Variants in EPHX2 observed in about 807,000 individuals in gnomAD.
EPHX2 encodes epoxide hydrolase 2.
EPHX2 carries 74 observed loss-of-function variants against 78.7 expected under a neutral mutation model. The ratio of observed to expected loss-of-function variants is 0.94; its 90% CI spans 0.78 to 1.14. EPHX2 has a LOEUF of 1.14. Among genes scored for constraint, EPHX2 ranks in the 50% most tolerant of loss-of-function variants. EPHX2 has a pLI of 0.00. For missense variants in EPHX2, 715 were observed against 702.5 expected, an observed-to-expected ratio of 1.02 and a Z score of -0.20; for synonymous variants, 251 against 255.2, an observed-to-expected ratio of 0.98 and a Z score of 0.16.
chr8:27,504,803 C>T (rs924459158), intron 3 of EPHX2, 153 bp from the exon 4 acceptor site: 6 of 764,218 alleles, frequency 7.9e-6, no homozygotes, highest in Non-Finnish European at 1.3e-5. Flanking sequence ...CAAGATGATT[C>T]TTTTCCAATT....
At chr8:27,517,344 G>A (rs547758783) in intron 8 of EPHX2, among the ~76,000 whole-genome samples, 1 of 152,234 alleles carries the variant, frequency 6.6e-6, no homozygotes, top group African/African-American at 2.4e-5. Flanking sequence ...TGCAATCCCT[G>A]TCAAAATCTC....
At chr8:27,514,902 C>G (rs1046307443) in intron 6 of EPHX2, among the ~76,000 whole-genome samples, 1 of 152,120 alleles carries the variant, frequency 6.6e-6, no homozygotes, top group South Asian at 2.1e-4. Context: ...TCTGCCACAC[C>G]CGTAGCCCCC....
rs756108612 is a variant in EPHX2, at chr8:27,491,176, C to G, written c.-33C>G. 2 of 1,547,988 alleles carry G rather than the reference C, an allele frequency of 1.3e-6. No individual in the cohort carries two copies. Among genetic ancestry groups the G allele is most frequent in the African/African-American group, 2.8e-5 (2 of 72,560 alleles). On this transcript the variant is annotated 5_prime_UTR_variant, in exon 1 of 19. Transcript: ENST00000521400. ...CTTCGCGCATCTCCCAGGTTAGCTGCGTGTCCGGGTGCTAGGCTGCAGACC... is the reference window on the plus strand; with the variant it reads ...CTTCGCGCATCTCCCAGGTTAGCTGGGTGTCCGGGTGCTAGGCTGCAGACC...
Position 27,544,554 on chromosome 8 carries a change from G to A in EPHX2, c.*32G>A. The A allele has an allele frequency of 6.2e-7, 1 of 1,609,566 alleles. No homozygotes were observed. The highest frequency in any genetic ancestry group is 8.5e-7 in the Non-Finnish European group (1 of 1,176,942). On this transcript the variant is annotated 3_prime_UTR_variant, in exon 19 of 19. Transcript: ENST00000521400. ...GCGTGTGCCCACGCTCAGCAGGTGTGCCATCCTTCCACCTGCTGGGGCACC... is the reference window on the plus strand; with the variant it reads ...GCGTGTGCCCACGCTCAGCAGGTGTACCATCCTTCCACCTGCTGGGGCACC...
chr8:27,508,637 A>C (rs1381219353), intron 5 of EPHX2, among the ~76,000 whole-genome samples: 1 of 151,980 alleles, frequency 6.6e-6, no homozygotes, highest in African/African-American at 2.4e-5. Context: ...ACTATATCTC[A>C]CTTCTCTTTG....
At chr8:27,508,953 T>TTTTTC (rs1814127962) in intron 5 of EPHX2, among the ~76,000 whole-genome samples, 1 of 128,542 alleles carries the variant, frequency 7.8e-6, no homozygotes, top group South Asian at 2.8e-4. Flanking sequence ...CTGCTTTTTT[T>TTTTTC]TTTTTTTTTT....
chr8:27,525,493 C>A lies in EPHX2; in HGVS notation c.1170+20C>A. 1 of 1,580,878 alleles carries A rather than the reference C, an allele frequency of 6.3e-7. No homozygotes were observed. Among genetic ancestry groups the A allele is most frequent in the Non-Finnish European group, 8.7e-7 (1 of 1,149,700 alleles). On this transcript the variant is annotated intron_variant, in intron 12 of 18. Coordinates refer to ENST00000521400, the MANE Select transcript of EPHX2 (RefSeq NM_001979.6). The stretch of plus-strand genomic sequence containing the variant: ...GAACCAGTAAGTATGGCACCAAGGG[C>A]AACAATGGGAGCATTAGTGTTTGCC...
chr8:27,525,097 T>TGCGCGC (rs1423674316), intron 11 of EPHX2, among the ~76,000 whole-genome samples: 4 of 136,972 alleles, frequency 2.9e-5, no homozygotes, highest in African/African-American at 1.3e-4. Flanking sequence ...TGTGTGTGTG[T>TGCGCGC]GTGTGTGTGT....
At chr8:27,525,863 CTG>C (rs1490980931) in intron 12 of EPHX2, among the ~76,000 whole-genome samples, 3 of 152,180 alleles carry the variant, frequency 2.0e-5, no homozygotes, top group African/African-American at 7.2e-5. Flanking sequence ...TCTGAAGAAT[CTG>C]AGAAGTTTCT....
intron 14 of EPHX2, among the ~76,000 whole-genome samples, chr8:27,540,083 G>A (rs187582061): frequency 6.6e-6 from 1 of 152,288 alleles, no homozygotes; most frequent in Non-Finnish European, 1.5e-5. Flanking sequence ...GAGGTGACAG[G>A]ATGCAGCCAC....
chr8:27,491,347 G>T (rs1407849195), intron 1 of EPHX2, 38 bp downstream of exon 1: 2 of 1,389,924 alleles, frequency 1.4e-6, no homozygotes. Flanking sequence ...GTGGGTCGGG[G>T]CCTCAGGAGG....
intron 3 of EPHX2, among the ~76,000 whole-genome samples, chr8:27,504,550 T>C (rs1163579968): frequency 3.3e-5 from 5 of 152,220 alleles, no homozygotes; most frequent in Non-Finnish European, 7.3e-5. Flanking sequence ...ATGCTGGACC[T>C]TCACCATGTG....
At chr8:27,518,658 T>C (rs554269894) in intron 9 of EPHX2, among the ~76,000 whole-genome samples, 1 of 152,216 alleles carries the variant, frequency 6.6e-6, no homozygotes, top group Non-Finnish European at 1.5e-5. Flanking sequence ...GCTGGGGAAC[T>C]AGTAATGCTG....
rs1380374484 is a variant in EPHX2, at chr8:27,500,862, C to G, written c.102-64C>G. 2.1e-6 allele frequency: 3 copies of G among 1,417,014 alleles called. No individual in the cohort carries two copies. The African/African-American group carries it at 4.3e-5, about 20-fold the overall frequency. The allele number at this position is 1,417,014 out of a possible 1,614,324, so 87.8% of individuals were successfully genotyped here. On this transcript the variant is annotated intron_variant, in intron 1 of 18. Coordinates refer to ENST00000521400, the MANE Select transcript of EPHX2 (RefSeq NM_001979.6). Reference sequence around the variant, plus strand: ...GCTTCTCAATGAATATGAACAGTGTCTGTTTCCATGTGCTGCCATGACAAA... The same window carrying G: ...GCTTCTCAATGAATATGAACAGTGTGTGTTTCCATGTGCTGCCATGACAAA...
intron 12 of EPHX2, among the ~76,000 whole-genome samples, chr8:27,532,208 C>T (rs1815068358): frequency 6.6e-6 from 1 of 152,068 alleles, no homozygotes; most frequent in African/African-American, 2.4e-5. Context: ...CCTCCTCACC[C>T]TCTCCCCTCA....
Position 27,491,168 on chromosome 8 carries a change from G to C in EPHX2, c.-41G>C. On this transcript the variant is annotated 5_prime_UTR_variant, in exon 1 of 19. Coordinates refer to ENST00000521400, the MANE Select transcript of EPHX2 (RefSeq NM_001979.6). ...GCCCTGGCCTTCGCGCATCTCCCAG[G>C]TTAGCTGCGTGTCCGGGTGCTAGGC... The C allele has an allele frequency of 6.5e-7, 1 of 1,538,942 alleles. No homozygotes were observed. The highest frequency in any genetic ancestry group is 8.7e-7 in the Non-Finnish European group (1 of 1,148,724).
intron 5 of EPHX2, among the ~76,000 whole-genome samples, chr8:27,509,533 C>T (rs528054997): frequency 2.6e-5 from 4 of 152,270 alleles, no homozygotes; most frequent in South Asian, 4.1e-4. Flanking sequence ...CAACCTCTGC[C>T]TCCCAGGATC....
chr8:27,532,564 G>A (rs1815082065), intron 12 of EPHX2, among the ~76,000 whole-genome samples: 1 of 152,096 alleles, frequency 6.6e-6, no homozygotes, highest in African/African-American at 2.4e-5. Flanking sequence ...GGTCCCTTCT[G>A]GGGGCTCCCG....
At chr8:27,532,585 C>G (rs988046002) in intron 12 of EPHX2, among the ~76,000 whole-genome samples, 39 of 152,240 alleles carry the variant, frequency 2.6e-4, no homozygotes, top group African/African-American at 9.4e-4. Context: ...AGAGAGAGTC[C>G]ATTTCATGCC....
Sources: gnomAD v4.1 joint callset for allele counts (sites outside exome capture counted in the v4.1 genomes callset) on GRCh38, gnomAD v4.1.1 for gene constraint, MANE v1.5 for transcripts, NCBI Gene and HGNC (gene_info 2026-07-23, HGNC 2026-07-21) for gene names.